STPG2: variants seen among roughly 807,000 people sequenced by gnomAD.
STPG2 encodes sperm-tail PG-rich repeat-containing protein 2.
In STPG2, 56 loss-of-function variants were observed where a neutral mutation model predicts 54.2. That is an observed-to-expected ratio of 1.03 (90% CI 0.83 to 1.29). The LOEUF (loss-of-function observed/expected upper bound fraction) is 1.29. STPG2 is among the 50% of genes most tolerant of loss of function. The pLI, the probability that STPG2 is intolerant of heterozygous loss-of-function variation, is 0.00. For synonymous variants in STPG2, 200 were observed against 181.8 expected, an observed-to-expected ratio of 1.10 and a Z score of -0.81; for missense variants, 596 against 544.9, an observed-to-expected ratio of 1.09 and a Z score of -0.93.
intron 9 of STPG2, among the ~76,000 whole-genome samples, chr4:97,824,277 T>C (rs1367386249): frequency 6.6e-6 from 1 of 152,140 alleles, no homozygotes; most frequent in East Asian, 1.9e-4. Context: ...GCAATGCTTT[T>C]CTCCCTTTCC....
At chr4:97,782,960 C>G (rs573182954) in intron 9 of STPG2, among the ~76,000 whole-genome samples, 1 of 152,242 alleles carries the variant, frequency 6.6e-6, no homozygotes, top group African/African-American at 2.4e-5. Context: ...AATGTTAGAC[C>G]TAAAACCATA....
intron 9 of STPG2, among the ~76,000 whole-genome samples, chr4:97,718,468 G>A (rs1322489716): frequency 6.6e-6 from 1 of 151,944 alleles, no homozygotes; most frequent in African/African-American, 2.4e-5. Flanking sequence ...AGAAAGAGGA[G>A]CCTACATTAT....
intron 8 of STPG2, among the ~76,000 whole-genome samples, chr4:97,926,220 C>A (rs1324912469): frequency 6.6e-6 from 1 of 152,108 alleles, no homozygotes; most frequent in East Asian, 1.9e-4. Flanking sequence ...CTTCATCATC[C>A]CTGGGATTTC....
intron 10 of STPG2, among the ~76,000 whole-genome samples, chr4:97,637,286 T>A (rs982038092): frequency 3.9e-5 from 6 of 152,246 alleles, no homozygotes; most frequent in Non-Finnish European, 8.8e-5. Context: ...TTGACAAAAT[T>A]CAACAATGCT....
chr4:97,940,016 C>T (rs1732914540), intron 8 of STPG2, among the ~76,000 whole-genome samples: 1 of 152,168 alleles, frequency 6.6e-6, no homozygotes, highest in South Asian at 2.1e-4. Context: ...ACTCCCTCAA[C>T]ATCTACCTAT....
chr4:97,661,088 A>G (rs1406503474), intron 10 of STPG2, among the ~76,000 whole-genome samples: 1 of 152,170 alleles, frequency 6.6e-6, no homozygotes, highest in Non-Finnish European at 1.5e-5. Flanking sequence ...ATGCCAACTA[A>G]TAGTAAATGA....
chr4:97,938,079 C>A (rs530086806), intron 8 of STPG2, among the ~76,000 whole-genome samples: 4 of 152,108 alleles, frequency 2.6e-5, no homozygotes, highest in African/African-American at 9.7e-5. Context: ...CCTAAGCCCC[C>A]GGCTGGAGTT....
At chr4:97,811,870 T>G (rs1172083066) in intron 9 of STPG2, among the ~76,000 whole-genome samples, 1 of 152,148 alleles carries the variant, frequency 6.6e-6, no homozygotes, top group African/African-American at 2.4e-5. Flanking sequence ...TCAAAATTAC[T>G]TTAAAACTTC....
intron 3 of STPG2, among the ~76,000 whole-genome samples, chr4:98,119,659 T>C (rs980966844): frequency 2.6e-5 from 4 of 152,056 alleles, no homozygotes; most frequent in East Asian, 1.9e-4. Context: ...GTTTGTTACA[T>C]AGGTAAACAT....
intron 5 of STPG2, among the ~76,000 whole-genome samples, chr4:97,997,711 A>T (rs1245522019): frequency 6.6e-6 from 1 of 152,218 alleles, no homozygotes; most frequent in Non-Finnish European, 1.5e-5. Flanking sequence ...CTCTGCAGCA[A>T]CATAGATGGA....
At chr4:97,468,326 T>C (rs1304716931) in intron 4 of STPG2, among the ~76,000 whole-genome samples, 1 of 152,046 alleles carries the variant, frequency 6.6e-6, no homozygotes, top group Non-Finnish European at 1.5e-5. Context: ...ACCAAGTTTG[T>C]TTATTTTTTA....
Position 98,143,361 on chromosome 4 carries a change from A to G in STPG2, c.-211T>C. 1.8e-6 allele frequency: 1 copy of G among 546,882 alleles called. No individual in the cohort carries two copies. Among genetic ancestry groups the G allele is most frequent in the East Asian group, 3.0e-5 (1 of 32,858 alleles). The allele number at this position is 546,882 out of a possible 1,614,324, so 33.9% of individuals were successfully genotyped here. A position where few individuals can be genotyped will look rare whatever the true frequency, so the allele number is the denominator to read the frequency against. On this transcript the variant is annotated 5_prime_UTR_variant, in exon 1 of 11. Transcript: ENST00000295268. ...AAATCGATTTCTAGCTCTGTGGTAA[A>G]GTAGAGGGGTGAGCGACTAGAGATT...
chr4:97,848,317 T>C (rs148519779), intron 8 of STPG2, among the ~76,000 whole-genome samples: 1 of 152,314 alleles, frequency 6.6e-6, no homozygotes, highest in African/African-American at 2.4e-5. Flanking sequence ...CATATATATT[T>C]GAAATTTACT....
intron 5 of STPG2, among the ~76,000 whole-genome samples, chr4:98,096,228 C>T (rs1206637993): frequency 1.3e-5 from 2 of 151,962 alleles, no homozygotes; most frequent in African/African-American, 4.8e-5. Flanking sequence ...GACTTCGTCT[C>T]TACAAAAACA....
At chr4:97,565,043 C>G (rs1014412571) in intron 10 of STPG2, among the ~76,000 whole-genome samples, 1 of 152,118 alleles carries the variant, frequency 6.6e-6, no homozygotes, top group Non-Finnish European at 1.5e-5. Flanking sequence ...CAACTTAGTT[C>G]CATTCTTCCC....
At chr4:98,135,366 C>A (rs1036453379) in intron 1 of STPG2, among the ~76,000 whole-genome samples, 14 of 151,514 alleles carry the variant, frequency 9.2e-5, no homozygotes, top group East Asian at 1.9e-4. Context: ...TAAAATGCAA[C>A]CAATGTCAAG....
intron 5 of STPG2, among the ~76,000 whole-genome samples, chr4:98,060,570 T>A (rs563125447): frequency 1.1e-4 from 16 of 152,098 alleles, no homozygotes; most frequent in East Asian, 3.9e-4. Flanking sequence ...AAACTATTTT[T>A]AAATGGTATG....
chr4:98,083,928 G>A (rs1009905606), intron 5 of STPG2, among the ~76,000 whole-genome samples: 1 of 152,130 alleles, frequency 6.6e-6, no homozygotes, highest in African/African-American at 2.4e-5. Flanking sequence ...ACAGGTCACT[G>A]CAGCCTCCAA....
At chr4:97,503,292 T>C (rs1386620587) in intron 4 of STPG2, among the ~76,000 whole-genome samples, 1 of 152,054 alleles carries the variant, frequency 6.6e-6, no homozygotes, top group Non-Finnish European at 1.5e-5. Context: ...TCAAATGCTA[T>C]GAACAGAATT....
Sources: gnomAD v4.1 joint callset for allele counts (sites outside exome capture counted in the v4.1 genomes callset) on GRCh38, gnomAD v4.1.1 for gene constraint, MANE v1.5 for transcripts, NCBI Gene and HGNC (gene_info 2026-07-23, HGNC 2026-07-21) for gene names.